Variants in QRICH1 observed in about 807,000 individuals in gnomAD.
The protein encoded by QRICH1 is transcriptional regulator QRICH1.
A neutral mutation model predicts 87.1 loss-of-function variants in QRICH1; 16 were observed. The ratio of observed to expected loss-of-function variants is 0.18; its 90% CI spans 0.12 to 0.28. The LOEUF (loss-of-function observed/expected upper bound fraction) is 0.28. Among genes scored for constraint, QRICH1 ranks in the 10% least tolerant of loss-of-function variants. QRICH1 has a pLI of 1.00. For missense variants in QRICH1, 647 were observed against 951.7 expected, an observed-to-expected ratio of 0.68 and a Z score of 4.21; for synonymous variants, 367 against 368.4, an observed-to-expected ratio of 1.00 and a Z score of 0.05.
At chr3:49,049,592 G>A (rs1362967996) in intron 3 of QRICH1, among the ~76,000 whole-genome samples, 1 of 152,010 alleles carries the variant, frequency 6.6e-6, no homozygotes, top group Admixed American at 6.5e-5. Context: ...CCGCCTCCCA[G>A]GTTCAAGGCA....
At chr3:49,075,154 T>G (rs567082655) in intron 2 of QRICH1, among the ~76,000 whole-genome samples, 1 of 147,812 alleles carries the variant, frequency 6.8e-6, no homozygotes. Context: ...AGACTATATC[T>G]CTACAAAAAA....
intron 6 of QRICH1, among the ~76,000 whole-genome samples, chr3:49,034,614 T>C (rs2093263424): frequency 6.6e-6 from 1 of 152,102 alleles, no homozygotes; most frequent in Admixed American, 6.6e-5. Flanking sequence ...GCCTAGCCAA[T>C]ATGCCAGTAT....
At chr3:49,081,010 A>G (rs1357741110) in intron 1 of QRICH1, among the ~76,000 whole-genome samples, 7 of 150,756 alleles carry the variant, frequency 4.6e-5, no homozygotes, top group African/African-American at 1.5e-4. Context: ...AAAATTATAA[A>G]TAAAAAACTA....
Position 49,030,601 on chromosome 3 carries a change from G to A in QRICH1, c.2182C>T (p.Pro728Ser). 6.2e-7 allele frequency: 1 copy of A among 1,609,212 alleles called. No individual in the cohort carries two copies. Among genetic ancestry groups the A allele is most frequent in the Non-Finnish European group, 8.5e-7 (1 of 1,177,266 alleles). The change falls in exon 10 of 10, where the codon CCT (proline) becomes TCT (serine). Residue 728 changes from proline to serine, a missense_variant. By Grantham distance (74) the Pro-to-Ser change is moderately conservative (BLOSUM62 -1). Transcript: ENST00000395443. ...KGRNDTFYLT[P>S]EPVVAPNSPI... The stretch of plus-strand genomic sequence containing the variant: ...CTGTTGGGGGCCACCACTGGCTCAG[G>A]TGTCAGGTAAAAGGTGTCATTCCGG...
Position 49,048,725 on chromosome 3 carries a change from T to C in QRICH1, c.1339-1479A>G, listed in dbSNP as rs191112659. Among the ~76,000 whole-genome samples the C allele has an allele frequency of 4.2e-3, 622 of 146,972 alleles. 1 individual carries two copies. The highest frequency in any genetic ancestry group is 0.01 in the Middle Eastern group (3 of 290). On this transcript the variant is annotated intron_variant, in intron 3 of 9. Transcript: ENST00000395443. The stretch of plus-strand genomic sequence containing the variant: ...ATGGCATGAATCCAGGAGGCGGAGC[T>C]TGCAGTGAGCCGAGATCGCACCACT...
At chr3:49,088,326 G>A (rs1392349492) in intron 1 of QRICH1, among the ~76,000 whole-genome samples, 1 of 151,766 alleles carries the variant, frequency 6.6e-6, no homozygotes, top group Non-Finnish European at 1.5e-5. Context: ...ACGAAGTCTC[G>A]TTTTCTCACC....
At chr3:49,037,001 C>G (rs1043974127) in intron 6 of QRICH1, among the ~76,000 whole-genome samples, 6 of 146,170 alleles carry the variant, frequency 4.1e-5, no homozygotes, top group African/African-American at 1.5e-4. Flanking sequence ...GAGGTTGAGG[C>G]TACAGGCTAC....
intron 3 of QRICH1, among the ~76,000 whole-genome samples, chr3:49,053,929 T>C (rs2093386560): frequency 6.6e-6 from 1 of 152,116 alleles, no homozygotes. Context: ...ACTGTCTTAT[T>C]CATCTCTATT....
chr3:49,050,026 C>T (rs2093360892), intron 3 of QRICH1, among the ~76,000 whole-genome samples: 1 of 149,548 alleles, frequency 6.7e-6, no homozygotes. Flanking sequence ...ATGCTGAAAC[C>T]CTGTCTCTAC....
At chr3:49,088,063 T>C (rs1030739124) in intron 1 of QRICH1, among the ~76,000 whole-genome samples, 2 of 151,330 alleles carry the variant, frequency 1.3e-5, no homozygotes, top group Admixed American at 1.3e-4. Flanking sequence ...GCCAGTCTCC[T>C]GCCTCAGCCT....
chr3:49,057,206 T>C lies in QRICH1; in HGVS notation c.994A>G (p.Ile332Val), dbSNP rs1463714594. Residue 332 changes from isoleucine to valine, a missense_variant, in exon 3 of 10, where the codon ATT becomes GTT. Ile to Val is a conservative substitution (Grantham distance 29). This residue lies in a region of QRICH1 where 75 missense variants were observed against 141.0 expected (regional missense o/e 0.53). Coordinates refer to ENST00000395443, the MANE Select transcript of QRICH1 (RefSeq NM_198880.3). This position sits in a 1 kb window ranked among gnomAD's most constrained non-coding sequence, Gnocchi z 5.4. ...PQQQSITHIA[I>V]PQEAYNAVHV... ...ACTGCGTTGTAGGCTTCCTGGGGAA[T>C]GGCAATGTGGGTAATGCTCTGCTGC... The C allele has an allele frequency of 1.2e-6, 2 of 1,614,062 alleles. No homozygotes were observed. The highest frequency in any genetic ancestry group is 1.3e-5 in the African/African-American group (1 of 74,932).
intron 1 of QRICH1, among the ~76,000 whole-genome samples, chr3:49,089,393 G>C (rs1167120559): frequency 1.3e-5 from 2 of 152,126 alleles, no homozygotes. Flanking sequence ...ACTAAAATTT[G>C]TATTTTTCCC....
chr3:49,075,187 G>A (rs1170417724), intron 2 of QRICH1, among the ~76,000 whole-genome samples: 23 of 151,728 alleles, frequency 1.5e-4, no homozygotes. Flanking sequence ...TTAATTAGCT[G>A]CACGTGGTGG....
At chr3:49,032,079 C>A in intron 9 of QRICH1, 104 bp downstream of exon 9, 1 of 960,774 alleles carries the variant, frequency 1.0e-6, no homozygotes. Flanking sequence ...TGGTTTGGGA[C>A]TAGAGAATGC....
At chr3:49,060,386 G>C (rs1354364877) in intron 2 of QRICH1, among the ~76,000 whole-genome samples, 1 of 151,366 alleles carries the variant, frequency 6.6e-6, no homozygotes, top group Non-Finnish European at 1.5e-5. Context: ...TTAGAGACAG[G>C]GTTTCACCGT....
intron 7 of QRICH1, 112 bp from the exon 8 acceptor site, chr3:49,032,885 G>A: frequency 2.3e-6 from 3 of 1,327,022 alleles, no homozygotes; most frequent in Non-Finnish European, 3.1e-6. Context: ...CCCAAGATCT[G>A]GGCAGGCCCG....
At chr3:49,076,524 TAA>T (rs55985504) in intron 2 of QRICH1, among the ~76,000 whole-genome samples, 183 bp downstream of exon 2, 340 of 144,264 alleles carry the variant, frequency 2.4e-3, no homozygotes, top group Middle Eastern at 3.5e-3. Context: ...GGGGTTTGTT[TAA>T]AAAAAAAAAA....
chr3:49,049,421 G>A (rs999756453), intron 3 of QRICH1, among the ~76,000 whole-genome samples: 1 of 151,786 alleles, frequency 6.6e-6, no homozygotes, highest in Non-Finnish European at 1.5e-5. Flanking sequence ...CTCCAGCCTG[G>A]GTGACACAGA....
chr3:49,083,060 G>C (rs2042094269), intron 1 of QRICH1, among the ~76,000 whole-genome samples: 1 of 150,664 alleles, frequency 6.6e-6, no homozygotes, highest in Non-Finnish European at 1.5e-5. Flanking sequence ...TACAAAATGA[G>C]TTGGGCATGG....
Sources: allele counts gnomAD v4.1 joint callset (sites outside exome capture counted in the v4.1 genomes callset), GRCh38; gene constraint gnomAD v4.1.1; regional missense constraint gnomAD v4.1.1; non-coding constraint Gnocchi (gnomAD v3.1); transcripts MANE v1.5; gene names NCBI Gene and HGNC (gene_info 2026-07-23, HGNC 2026-07-21).